ARHGEF28: variants seen among roughly 807,000 people sequenced by gnomAD.
ARHGEF28 encodes 190 kDa guanine nucleotide exchange factor.
A neutral mutation model predicts 206.6 loss-of-function variants in ARHGEF28; 152 were observed. That is an observed-to-expected ratio of 0.74 (90% CI 0.64 to 0.84). ARHGEF28 has a LOEUF of 0.84. ARHGEF28 is among the 40% of genes least tolerant of loss of function. ARHGEF28 has a pLI of 0.00. For missense variants in ARHGEF28, 2,028 were observed against 2,073.2 expected (o/e 0.98, Z 0.42); for synonymous variants, 763 against 776.4 (o/e 0.98, Z 0.29).
At chr5:73,836,006 A>G (rs1757607746) in intron 10 of ARHGEF28, among the ~76,000 whole-genome samples, 4 of 151,814 alleles carry the variant, frequency 2.6e-5, no homozygotes, top group Admixed American at 2.6e-4. Context: ...TTATCCCTAT[A>G]TTTTCAGAAA....
chr5:73,694,770 G>A (rs541680670), intron 2 of ARHGEF28, among the ~76,000 whole-genome samples: 2 of 152,186 alleles, frequency 1.3e-5, no homozygotes, highest in South Asian at 4.1e-4. Context: ...CGGATCTTAT[G>A]AAGGTCACTA....
chr5:73,894,895 G>C (rs1264917688), intron 29 of ARHGEF28, among the ~76,000 whole-genome samples: 2 of 152,174 alleles, frequency 1.3e-5, no homozygotes, highest in Non-Finnish European at 2.9e-5. Flanking sequence ...AAGGAAGAAA[G>C]CTAAGTGGTA....
In ARHGEF28 at chr5:73,870,187, C is replaced by T. The variant is rs1181014409; in HGVS notation, c.2544C>T (p.Ile848=). 2 of 1,613,706 alleles carry T rather than the reference C, an allele frequency of 1.2e-6. No homozygotes were observed. Among genetic ancestry groups the T allele is most frequent in the Non-Finnish European group, 1.7e-6 (2 of 1,179,800 alleles). Residue 848 remains isoleucine, a synonymous_variant, in exon 21 of 36, where the codon ATC becomes ATT. Coordinates refer to ENST00000513042, the MANE Select transcript of ARHGEF28 (RefSeq NM_001177693.2). ...GTAATAGGCAGGAGAAGGATGTCAT[C>T]AAAAGACAGGATGTCATTTTTGGTA... ...SFCNRQEKDV[I]KRQDVIFELM... is the part of the protein sequence containing the mutation.
chr5:73,727,798 T>C (rs1393684340), intron 2 of ARHGEF28, among the ~76,000 whole-genome samples: 1 of 152,204 alleles, frequency 6.6e-6, no homozygotes, highest in Non-Finnish European at 1.5e-5. Flanking sequence ...ATGCAGTGCC[T>C]CTAATTGAAC....
intron 1 of ARHGEF28, among the ~76,000 whole-genome samples, chr5:73,658,140 A>T (rs564204225): frequency 3.0e-3 from 166 of 55,626 alleles, no homozygotes; most frequent in Admixed American, 6.4e-3. Flanking sequence ...TCCTTTTTTT[A>T]AAAAAAAAAA....
intron 4 of ARHGEF28, among the ~76,000 whole-genome samples, chr5:73,759,936 G>C (rs1037532960): frequency 1.3e-5 from 2 of 152,250 alleles, no homozygotes; most frequent in Non-Finnish European, 2.9e-5. Context: ...ACAGAAAAGA[G>C]ATCTGTAGCC....
rs571170369 is a variant in ARHGEF28, at chr5:73,626,703, C to T, written c.-12+381C>T. On this transcript the variant is annotated intron_variant, in intron 1 of 35. Coordinates refer to ENST00000513042, the MANE Select transcript of ARHGEF28 (RefSeq NM_001177693.2). ...GGAGAACGTCGAGAGTTGGTGTCCGCCCTTCCCATCCATGCTTCAGCTCCG... is the reference window on the plus strand; with the variant it reads ...GGAGAACGTCGAGAGTTGGTGTCCGTCCTTCCCATCCATGCTTCAGCTCCG... Among the ~76,000 whole-genome samples, 37 of 152,278 alleles carry T rather than the reference C, an allele frequency of 2.4e-4. No homozygotes were observed. In the East Asian group the frequency reaches 6.8e-3, roughly 28 times the overall value.
At position 73,846,283 on chromosome 5, in the gene ARHGEF28, C is replaced by G; in HGVS notation, c.1443C>G (p.Ala481=). 1 of 1,613,482 alleles carries G rather than the reference C, an allele frequency of 6.2e-7. No homozygotes were observed. Among genetic ancestry groups the G allele is most frequent in the Non-Finnish European group, 8.5e-7 (1 of 1,179,702 alleles). Residue 481 remains alanine (A), a synonymous_variant, in exon 12 of 36, where the codon GCC becomes GCG. Transcript: ENST00000513042. ...TGTGCTTTAGTTCTAGCCTTGATGC[C>G]TTGGACGCCGACAGTGAAGGGGAAG... ...HLKKRSSSLD[A]LDADSEGEGH...
chr5:73,781,887 G>T (rs1753867773), intron 7 of ARHGEF28, among the ~76,000 whole-genome samples: 1 of 152,100 alleles, frequency 6.6e-6, no homozygotes, highest in Non-Finnish European at 1.5e-5. Flanking sequence ...TCAATTTCAA[G>T]ATAGTGAAGG....
chr5:73,712,529 A>G (rs543926498), intron 2 of ARHGEF28, among the ~76,000 whole-genome samples: 56 of 152,296 alleles, frequency 3.7e-4, no homozygotes, highest in African/African-American at 1.3e-3. Flanking sequence ...GCAGGCATAT[A>G]TCTTGTCGCT....
rs1761847245 is a variant in ARHGEF28 at position 73,894,546 on chromosome 5, C to G, written c.3812C>G (p.Ala1271Gly). 3.1e-6 allele frequency: 5 copies of G among 1,613,816 alleles called. No individual in the cohort carries two copies. Among genetic ancestry groups the G allele is most frequent in the Non-Finnish European group, 4.2e-6 (5 of 1,179,858 alleles). The change falls in exon 29 of 36, where the codon GCC becomes GGC. Residue 1271 changes from alanine to glycine, a missense_variant. This residue lies in a region of ARHGEF28 where 803 missense variants were observed against 768.0 expected (regional missense o/e 1.05). Coordinates refer to ENST00000513042, the MANE Select transcript of ARHGEF28 (RefSeq NM_001177693.2). ...GACCCAGGCGAGCCTCCCCAGGCAG[C>G]CTCATTACTGGCAGCAGCACTGAAA... ...KPDPGEPPQA[A>G]SLLAAALKEA...
At chr5:73,809,348 G>A (rs1035102781) in intron 9 of ARHGEF28, among the ~76,000 whole-genome samples, 16 of 152,124 alleles carry the variant, frequency 1.1e-4, no homozygotes, top group African/African-American at 3.9e-4. Context: ...AATCTCACTG[G>A]ATCCTCACAA....
chr5:73,803,577 T>C, intron 9 of ARHGEF28: 1 of 163,866 alleles, frequency 6.1e-6, no homozygotes, highest in Non-Finnish European at 1.4e-5. Flanking sequence ...AGAGGAGAAC[T>C]TGAAGAGCCT....
chr5:73,670,207 A>G (rs1221678768), intron 1 of ARHGEF28, among the ~76,000 whole-genome samples: 1 of 152,042 alleles, frequency 6.6e-6, no homozygotes, highest in Non-Finnish European at 1.5e-5. Context: ...GTATCTATAA[A>G]TTTTTCGTTT....
intron 1 of ARHGEF28, among the ~76,000 whole-genome samples, chr5:73,634,354 T>C (rs532846155): frequency 1.3e-3 from 194 of 152,322 alleles, no homozygotes; most frequent in Non-Finnish European, 2.1e-3. Context: ...GTCTATTATA[T>C]CTCTTTGTCT....
intron 2 of ARHGEF28, among the ~76,000 whole-genome samples, chr5:73,718,158 C>T (rs1749703683): frequency 6.6e-6 from 1 of 152,152 alleles, no homozygotes; most frequent in Non-Finnish European, 1.5e-5. Context: ...AGGCATGAGC[C>T]ACCACACTGG....
At chr5:73,858,421 T>C (rs1288267405) in intron 16 of ARHGEF28, among the ~76,000 whole-genome samples, 1 of 88,430 alleles carries the variant, frequency 1.1e-5, no homozygotes, top group Non-Finnish European at 2.3e-5. Context: ...CCCAGATTTG[T>C]ATGCCTGTCT....
rs189910625 is a variant in ARHGEF28 at position 73,630,268 on chromosome 5, C to A, written c.-12+3946C>A. Among the ~76,000 whole-genome samples the A allele has an allele frequency of 1.4e-3, 207 of 152,284 alleles. 1 individual carries two copies. Among genetic ancestry groups the A allele is most frequent in the African/African-American group, 4.8e-3 (201 of 41,554 alleles). Reference sequence around the variant, plus strand: ...CTGTTTAAGACTTACTCCTTTTCTTCCATCATTTTATAATTCAAGAAATTA... The same window carrying A: ...CTGTTTAAGACTTACTCCTTTTCTTACATCATTTTATAATTCAAGAAATTA... On this transcript the variant is annotated intron_variant, in intron 1 of 35. Coordinates refer to ENST00000513042, the MANE Select transcript of ARHGEF28 (RefSeq NM_001177693.2).
intron 33 of ARHGEF28, chr5:73,909,085 G>T: frequency 4.8e-6 from 1 of 208,062 alleles, no homozygotes; most frequent in Non-Finnish European, 9.7e-6. Context: ...GTGAATTTAT[G>T]TGCCGAGTTC....
Sources: allele counts gnomAD v4.1 joint callset (sites outside exome capture counted in the v4.1 genomes callset), GRCh38; gene constraint gnomAD v4.1.1; regional missense constraint gnomAD v4.1.1; transcripts MANE v1.5; gene names NCBI Gene and HGNC (gene_info 2026-07-23, HGNC 2026-07-21).